PRKN: variants seen among roughly 807,000 people sequenced by gnomAD.
PRKN encodes the protein E3 ubiquitin-protein ligase parkin.
A neutral mutation model predicts 59.5 loss-of-function variants in PRKN; 56 were observed. The observed-to-expected ratio is 0.94, with a 90% CI of 0.76 to 1.18. PRKN has a LOEUF of 1.18. PRKN is among the 50% of genes most tolerant of loss of function. The pLI, the probability that PRKN is intolerant of heterozygous loss-of-function variation, is 0.00. For missense variants in PRKN, 657 were observed against 596.4 expected (o/e 1.10, Z -1.06); for synonymous variants, 250 against 222.1 (o/e 1.13, Z -1.12).
At chr6:162,534,442 T>C (rs1778636861) in intron 1 of PRKN, among the ~76,000 whole-genome samples, 1 of 152,194 alleles carries the variant, frequency 6.6e-6, no homozygotes, top group African/African-American at 2.4e-5. Context: ...GTAGTTCTTT[T>C]ACAACTTGGC....
intron 3 of PRKN, among the ~76,000 whole-genome samples, chr6:162,231,986 G>C (rs1247220362): frequency 2.0e-5 from 3 of 152,134 alleles, no homozygotes; most frequent in South Asian, 2.1e-4. Context: ...CTGTCACCTA[G>C]AGATGGGGGT....
chr6:162,572,332 C>T (rs567001502), intron 1 of PRKN, among the ~76,000 whole-genome samples: 1 of 152,138 alleles, frequency 6.6e-6, no homozygotes, highest in Non-Finnish European at 1.5e-5. Context: ...ACTCAGCACT[C>T]GTGAAAAAGA....
At chr6:161,936,043 G>A (rs1431493136) in intron 6 of PRKN, among the ~76,000 whole-genome samples, 1 of 152,172 alleles carries the variant, frequency 6.6e-6, no homozygotes, top group East Asian at 1.9e-4. Context: ...TTAAACAAAT[G>A]AGATCAACAT....
At chr6:161,509,342 G>A (rs1174783940) in intron 9 of PRKN, among the ~76,000 whole-genome samples, 2 of 152,054 alleles carry the variant, frequency 1.3e-5, no homozygotes, top group Non-Finnish European at 2.9e-5. Flanking sequence ...CATCCTCGCA[G>A]AGAGAAAATG....
intron 4 of PRKN, among the ~76,000 whole-genome samples, chr6:162,175,395 T>C (rs1783486365): frequency 6.6e-6 from 1 of 152,216 alleles, no homozygotes; most frequent in African/African-American, 2.4e-5. Context: ...ACTGGTCCGG[T>C]ACATAGCAGG....
intron 2 of PRKN, among the ~76,000 whole-genome samples, chr6:162,404,154 G>C (rs1038193960): frequency 1.3e-5 from 2 of 151,810 alleles, no homozygotes; most frequent in Admixed American, 1.3e-4. Flanking sequence ...GGCGGATCAC[G>C]AGGTCAGGAG....
At chr6:161,425,605 A>G (rs1183938298) in intron 9 of PRKN, among the ~76,000 whole-genome samples, 1 of 152,088 alleles carries the variant, frequency 6.6e-6, no homozygotes, top group Non-Finnish European at 1.5e-5. Context: ...CAGATCAAGG[A>G]CTAGTCCCCC....
intron 6 of PRKN, among the ~76,000 whole-genome samples, chr6:161,968,761 C>A (rs1315280776): frequency 6.6e-6 from 1 of 151,796 alleles, no homozygotes; most frequent in Non-Finnish European, 1.5e-5. Flanking sequence ...TGATTTATCT[C>A]CAGGAAAATA....
chr6:162,440,472 G>C (rs1192402816), intron 2 of PRKN, among the ~76,000 whole-genome samples: 1 of 152,198 alleles, frequency 6.6e-6, no homozygotes, highest in Non-Finnish European at 1.5e-5. Flanking sequence ...ATACTGCTCA[G>C]TATGTGGGGT....
rs946828761 is a variant in PRKN at position 161,554,270 on chromosome 6, A to G, written c.934-5267T>C. Among the ~76,000 whole-genome samples, 15 of 152,154 alleles carry G rather than the reference A, an allele frequency of 9.9e-5. No individual in the cohort carries two copies. Among genetic ancestry groups the G allele is most frequent in the Non-Finnish European group, 2.1e-4 (14 of 68,032 alleles). The stretch of plus-strand genomic sequence containing the variant: ...TGCCTATGATTTCTGAAAACTTCAA[A>G]TATGTTTTCATATGCTCTACTCATT... On this transcript the variant is annotated intron_variant, in intron 8 of 11. Transcript: ENST00000366898. The surrounding 1 kb of genome is among the most constrained non-coding windows in gnomAD (Gnocchi z 4.5).
At chr6:161,940,670 C>G (rs1331598190) in intron 6 of PRKN, among the ~76,000 whole-genome samples, 1 of 152,142 alleles carries the variant, frequency 6.6e-6, no homozygotes, top group Admixed American at 6.5e-5. Flanking sequence ...CAACTTAGTT[C>G]ATGACCATAA....
chr6:162,295,523 T>C (rs1781630856), intron 2 of PRKN, among the ~76,000 whole-genome samples: 1 of 152,154 alleles, frequency 6.6e-6, no homozygotes, highest in Non-Finnish European at 1.5e-5. Flanking sequence ...CCCCTCCAAA[T>C]GGAACTTATT....
intron 7 of PRKN, among the ~76,000 whole-genome samples, chr6:161,580,509 G>A (rs1781294985): frequency 6.6e-6 from 1 of 151,920 alleles, no homozygotes; most frequent in Admixed American, 6.6e-5. Context: ...ACGGAGTCTC[G>A]CTCTGTCACC....
At chr6:162,481,995 ACTC>A (rs1343250542) in intron 1 of PRKN, among the ~76,000 whole-genome samples, 1 of 151,832 alleles carries the variant, frequency 6.6e-6, no homozygotes, top group Non-Finnish European at 1.5e-5. Flanking sequence ...CTCATGGTGG[ACTC>A]CTATTTGCTT....
At position 161,369,404 on chromosome 6, in the gene PRKN, T is replaced by G. The variant is rs148288951; in HGVS notation, c.1168-9199A>C. 2.6e-5 allele frequency among the ~76,000 whole-genome samples: 4 copies of G among 152,240 alleles called. No individual in the cohort carries two copies. Among genetic ancestry groups the G allele is most frequent in the Admixed American group, 1.3e-4 (2 of 15,290 alleles). On this transcript the variant is annotated intron_variant, in intron 10 of 11. Transcript: ENST00000366898. The surrounding 1 kb of genome is among the most constrained non-coding windows in gnomAD (Gnocchi z 5.8). ...GAACCATTCATCCTCTGGAGGGCGA[T>G]TCTCCCTTTGCGCCTGAAGAGGAAC... is the stretch of plus-strand genomic sequence containing the variant.
intron 6 of PRKN, among the ~76,000 whole-genome samples, chr6:161,873,879 TATAA>T (rs1217884449): frequency 7.5e-6 from 1 of 132,988 alleles, no homozygotes; most frequent in Admixed American, 8.7e-5. Context: ...TTTGTTTATA[TATAA>T]ATAAAAATTA....
At chr6:161,802,429 C>G (rs1224738246) in intron 6 of PRKN, among the ~76,000 whole-genome samples, 1 of 151,028 alleles carries the variant, frequency 6.6e-6, no homozygotes, top group Non-Finnish European at 1.5e-5. Flanking sequence ...CCCCACATGA[C>G]CCACACACGC....
At chr6:161,975,723 ATGT>A (rs1177222936) in intron 5 of PRKN, among the ~76,000 whole-genome samples, 1 of 152,104 alleles carries the variant, frequency 6.6e-6, no homozygotes, top group East Asian at 1.9e-4. Context: ...TTGCCAGGTG[ATGT>A]TGTTCCTACC....
intron 6 of PRKN, among the ~76,000 whole-genome samples, chr6:161,934,951 G>A (rs1779299081): frequency 6.6e-6 from 1 of 152,032 alleles, no homozygotes; most frequent in African/African-American, 2.4e-5. Flanking sequence ...ATAGATGCTA[G>A]AAATAATTAG....
Sources: allele counts gnomAD v4.1 joint callset (sites outside exome capture counted in the v4.1 genomes callset), GRCh38; gene constraint gnomAD v4.1.1; non-coding constraint Gnocchi (gnomAD v3.1); transcripts MANE v1.5; gene names NCBI Gene and HGNC (gene_info 2026-07-23, HGNC 2026-07-21).